THNSL1: variants seen among roughly 807,000 people sequenced by gnomAD.
The protein encoded by THNSL1 is threonine synthase-like 1.
In THNSL1, 48 loss-of-function variants were observed where a neutral mutation model predicts 50.4. The observed-to-expected ratio is 0.95, with a 90% CI of 0.76 to 1.21. The LOEUF is 1.21. THNSL1 is among the 50% of genes most tolerant of loss of function. The pLI is 0.00. For synonymous variants in THNSL1, 309 were observed against 306.1 expected, an observed-to-expected ratio of 1.01 and a Z score of -0.10; for missense variants, 896 against 871.7, an observed-to-expected ratio of 1.03 and a Z score of -0.35.
chr10:24,978,413 CCTCTCTCCT>C, the THNSL1 span, among the ~76,000 whole-genome samples: 1 of 150,540 alleles, frequency 6.6e-6, no homozygotes, highest in Non-Finnish European at 1.5e-5. Flanking sequence ...CATCCTTCTC[CCTCTCTCCT>C]CTCTCTCCTG....
At chr10:24,963,529 C>A in the THNSL1 span, among the ~76,000 whole-genome samples, 1 of 152,124 alleles carries the variant, frequency 6.6e-6, no homozygotes, top group Non-Finnish European at 1.5e-5. Flanking sequence ...ATTCAGGAAC[C>A]TCTTTCAGTT....
the THNSL1 span, among the ~76,000 whole-genome samples, chr10:24,997,755 A>G: frequency 1.3e-5 from 2 of 151,318 alleles, no homozygotes; most frequent in South Asian, 2.1e-4. Context: ...TTGCCTTACA[A>G]TGTTTACAAA....
the THNSL1 span, among the ~76,000 whole-genome samples, chr10:24,967,855 G>T: frequency 6.6e-6 from 1 of 151,302 alleles, no homozygotes; most frequent in Admixed American, 6.6e-5. Flanking sequence ...TGATGTGTGC[G>T]TATGATGTAT....
At chr10:24,960,843 G>T in the THNSL1 span, among the ~76,000 whole-genome samples, 1 of 151,990 alleles carries the variant, frequency 6.6e-6, no homozygotes, top group South Asian at 2.1e-4. Flanking sequence ...TCCCGCCTTG[G>T]CCTCCCAAAG....
At chr10:25,008,111 T>A in the THNSL1 span, among the ~76,000 whole-genome samples, 1 of 151,650 alleles carries the variant, frequency 6.6e-6, no homozygotes, top group Non-Finnish European at 1.5e-5. Context: ...CCTAGCCAGA[T>A]GAAAAATACA....
chr10:24,994,447 C>A, the THNSL1 span, among the ~76,000 whole-genome samples: 17 of 151,688 alleles, frequency 1.1e-4, no homozygotes, highest in African/African-American at 4.1e-4. Context: ...GATTCTCGTG[C>A]CTTAGCCACC....
At chr10:24,987,665 C>A in the THNSL1 span, among the ~76,000 whole-genome samples, 1 of 152,054 alleles carries the variant, frequency 6.6e-6, no homozygotes, top group Non-Finnish European at 1.5e-5. Context: ...CTGCTGGAGC[C>A]CTGACTGAAG....
At chr10:25,016,245 G>C, upstream of THNSL1, 1 of 999,730 alleles carries the variant, frequency 1.0e-6, no homozygotes, top group South Asian at 4.8e-5. Context: ...TCTTTCTGCA[G>C]CGCCTTCTGC....
intron 2 of THNSL1, among the ~76,000 whole-genome samples, chr10:25,022,820 A>G (rs971679693): frequency 2.0e-5 from 3 of 152,178 alleles, no homozygotes; most frequent in Admixed American, 2.0e-4. Flanking sequence ...TTTCATTAAA[A>G]GATCTCAATA....
the THNSL1 span, among the ~76,000 whole-genome samples, chr10:24,958,003 G>T: frequency 6.6e-6 from 1 of 151,902 alleles, no homozygotes; most frequent in Non-Finnish European, 1.5e-5. Context: ...TTGACATTTT[G>T]GTAATTGACT....
At chr10:25,009,810 TCTC>T in the THNSL1 span, among the ~76,000 whole-genome samples, 1 of 152,070 alleles carries the variant, frequency 6.6e-6, no homozygotes, top group Non-Finnish European at 1.5e-5. Flanking sequence ...CTGCACACAC[TCTC>T]GTTTCCCACT....
At chr10:25,011,444 T>C in the THNSL1 span, among the ~76,000 whole-genome samples, 1 of 152,282 alleles carries the variant, frequency 6.6e-6, no homozygotes, top group African/African-American at 2.4e-5. Context: ...AAGCTCTAGT[T>C]TAATTAGATA....
At chr10:24,993,773 G>C in the THNSL1 span, among the ~76,000 whole-genome samples, 1 of 152,190 alleles carries the variant, frequency 6.6e-6, no homozygotes, top group Non-Finnish European at 1.5e-5. Flanking sequence ...CTGTTTCCAT[G>C]ATGGATACTC....
chr10:25,009,719 G>A, the THNSL1 span, among the ~76,000 whole-genome samples: 1 of 152,090 alleles, frequency 6.6e-6, no homozygotes, highest in Non-Finnish European at 1.5e-5. Context: ...AGTGAATCAT[G>A]GGGGTAGGTC....
Position 25,024,569 on chromosome 10 carries a change from A to G in THNSL1, c.1346A>G (p.Asn449Ser), listed in dbSNP as rs1850802675. ...FCQTAIKRIF[N>S]DSDFTGFLTV... is the part of the protein sequence containing the mutation. ...CAGACAGCTATAAAAAGAATTTTTA[A>G]TGATTCTGATTTTACTGGCTTTCTT... The change falls in exon 3 of 3, where the codon AAT becomes AGT. Residue 449 changes from asparagine to serine, a missense_variant. By Grantham distance (46) the Asn-to-Ser change is conservative. Transcript: ENST00000376356. 2 of 1,614,136 alleles carry G rather than the reference A, an allele frequency of 1.2e-6. No individual in the cohort carries two copies. The highest frequency in any genetic ancestry group is 4.5e-5 in the East Asian group (2 of 44,890).
At chr10:24,984,313 C>T in the THNSL1 span, 29 of 1,571,638 alleles carry the variant, frequency 1.8e-5, 2 homozygotes, top group Middle Eastern at 3.4e-4. Context: ...CAAGAAGGCA[C>T]GTGTTACTAT....
the THNSL1 span, among the ~76,000 whole-genome samples, chr10:25,007,036 A>G: frequency 2.0e-5 from 3 of 152,346 alleles, no homozygotes; most frequent in South Asian, 6.2e-4. Context: ...ATCCTGATAA[A>G]ACGTTTAAAA....
At chr10:25,020,881 T>C (rs957716739) in intron 1 of THNSL1, among the ~76,000 whole-genome samples, 1 of 152,162 alleles carries the variant, frequency 6.6e-6, no homozygotes, top group Non-Finnish European at 1.5e-5. Context: ...GCTTCCTGAA[T>C]AGGAGGTTAA....
At position 25,023,762 on chromosome 10, in the gene THNSL1, C is replaced by T; in HGVS notation, c.539C>T (p.Thr180Ile). Residue 180 changes from threonine (T) to isoleucine (I), a missense_variant, in exon 3 of 3, where the codon ACA becomes ATA. Transcript: ENST00000376356. Reference sequence around the variant, plus strand: ...AGGATTGTAGGTCAGAATTCTGGAACATCTATGAAAGACTTACTTAAATTT... The same window carrying T: ...AGGATTGTAGGTCAGAATTCTGGAATATCTATGAAAGACTTACTTAAATTT... ...TDRIVGQNSGTSMKDLLKFRR... is the reference protein window; with the variant it reads ...TDRIVGQNSGISMKDLLKFRR... 6.2e-7 allele frequency: 1 copy of T among 1,613,834 alleles called. No homozygotes were observed. The highest frequency in any genetic ancestry group is 8.5e-7 in the Non-Finnish European group (1 of 1,179,948).
Sources: gnomAD v4.1 joint callset for allele counts (sites outside exome capture counted in the v4.1 genomes callset) on GRCh38, gnomAD v4.1.1 for gene constraint, MANE v1.5 for transcripts, NCBI Gene and HGNC (gene_info 2026-07-23, HGNC 2026-07-21) for gene names.